KDM5A: variants seen among roughly 807,000 people sequenced by gnomAD.
The protein encoded by KDM5A is lysine-specific demethylase 5A.
In KDM5A, 42 loss-of-function variants were observed where a neutral mutation model predicts 193.5. The ratio of observed to expected loss-of-function variants is 0.22; its 90% confidence interval spans 0.17 to 0.28. The LOEUF is 0.28. Ranked by LOEUF, KDM5A falls within the 10% of genes least tolerant of loss-of-function variation. KDM5A has a pLI of 1.00. For synonymous variants in KDM5A, 796 were observed against 718.1 expected (o/e 1.11, Z -1.73); for missense variants, 1,692 against 2,055.1 (o/e 0.82, Z 3.42).
chr12:295,957 T>C (rs1309167003), intron 25 of KDM5A, 164 bp from the exon 26 acceptor site: 7 of 680,120 alleles, frequency 1.0e-5, no homozygotes, highest in Admixed American at 1.0e-4. Flanking sequence ...TAGAAACAAA[T>C]ACAGACCAAA....
intron 1 of KDM5A, chr12:388,577 G>A (rs550092192): frequency 1.1e-4 from 41 of 383,664 alleles, no homozygotes; most frequent in South Asian, 7.8e-4. Context: ...AGAGATAGCC[G>A]ACTATCAAAC....
chr12:370,014 C>CT (rs912697969), intron 3 of KDM5A, among the ~76,000 whole-genome samples: 1 of 152,124 alleles, frequency 6.6e-6, no homozygotes, highest in African/African-American at 2.4e-5. Flanking sequence ...ATACAATACT[C>CT]TAACAATCTA....
At chr12:377,759 T>C (rs1200348662) in intron 3 of KDM5A, among the ~76,000 whole-genome samples, 1 of 151,964 alleles carries the variant, frequency 6.6e-6, no homozygotes. Flanking sequence ...AAAGGAAGAC[T>C]TACAACAAGG....
chr12:363,157 T>C, intron 4 of KDM5A, 60 bp from the exon 5 acceptor site: 1 of 1,604,348 alleles, frequency 6.2e-7, no homozygotes, highest in Non-Finnish European at 8.5e-7. Flanking sequence ...TGCTGGAGAA[T>C]CAGTGTAAAA....
At chr12:347,121 A>C (rs1229210666) in intron 10 of KDM5A, among the ~76,000 whole-genome samples, 1 of 152,178 alleles carries the variant, frequency 6.6e-6, no homozygotes, top group Admixed American at 6.5e-5. Flanking sequence ...ATATATCATT[A>C]ACAGACAAAC....
intron 14 of KDM5A, among the ~76,000 whole-genome samples, chr12:327,820 C>T (rs1943811413): frequency 1.3e-5 from 2 of 152,184 alleles, no homozygotes; most frequent in South Asian, 4.1e-4. Flanking sequence ...TGAGACCAGC[C>T]TAGGTAACAA....
intron 9 of KDM5A, among the ~76,000 whole-genome samples, chr12:351,546 A>G (rs758707267): frequency 6.6e-6 from 1 of 152,206 alleles, no homozygotes; most frequent in Non-Finnish European, 1.5e-5. Flanking sequence ...GGACTAAAAA[A>G]GCCTAAGATA....
rs772734344 is a variant in KDM5A at position 318,303 on chromosome 12, C to T, written c.2700G>A (p.Gln900=). ...ELPRLKQELQ[Q]ARWLDEVRLT... The stretch of plus-strand genomic sequence containing the variant: ...GTCTTACTTCGTCCAACCACCGAGC[C>T]TGTTGTAGCTCTTGCTTCAGTCGTG... Residue 900 remains glutamine, a synonymous_variant, in exon 19 of 28, where the codon CAG becomes CAA. Transcript: ENST00000399788. 1 of 1,614,186 alleles carries T rather than the reference C, an allele frequency of 6.2e-7. No homozygotes were observed. Among genetic ancestry groups the T allele is most frequent in the Non-Finnish European group, 8.5e-7 (1 of 1,180,044 alleles).
In KDM5A at chr12:368,698, T is replaced by C. The variant is rs141230749; in HGVS notation, c.367-2594A>G. Among the ~76,000 whole-genome samples, 60 of 152,114 alleles carry C rather than the reference T, an allele frequency of 3.9e-4. No individual in the cohort carries two copies. The East Asian group carries it at 0.012, about 29-fold the overall frequency. ...AGTGAGCCAGATTGCACCACTGAAC[T>C]CCAGCCTGGGCAAGAGCGAGACCCT... On this transcript the variant is annotated intron_variant, in intron 3 of 27. Coordinates refer to ENST00000399788, the MANE Select transcript of KDM5A (RefSeq NM_001042603.3).
At chr12:354,307 T>G in intron 7 of KDM5A, 73 bp from the exon 8 acceptor site, 1 of 1,025,688 alleles carries the variant, frequency 9.7e-7, no homozygotes, top group Non-Finnish European at 1.5e-6. Context: ...ACTCCTTAGC[T>G]GAAATAAACA....
intron 17 of KDM5A, chr12:322,160 G>C: frequency 2.0e-6 from 1 of 490,450 alleles, no homozygotes; most frequent in East Asian, 3.4e-5. Context: ...ACTCCAAGCA[G>C]AGTAAAGAGA....
At chr12:351,791 A>T (rs1396598774) in intron 9 of KDM5A, among the ~76,000 whole-genome samples, 1 of 152,082 alleles carries the variant, frequency 6.6e-6, no homozygotes, top group Non-Finnish European at 1.5e-5. Flanking sequence ...CGACAGAGTG[A>T]AATCCCGTCT....
intron 10 of KDM5A, among the ~76,000 whole-genome samples, chr12:341,719 G>A (rs1485191007): frequency 1.3e-5 from 2 of 152,044 alleles, no homozygotes; most frequent in African/African-American, 4.8e-5. Context: ...GGCCAACATG[G>A]TGAAACCTCA....
intron 8 of KDM5A, among the ~76,000 whole-genome samples, chr12:352,967 A>G (rs1944182074): frequency 6.6e-6 from 1 of 152,220 alleles, no homozygotes; most frequent in Non-Finnish European, 1.5e-5. Context: ...GTAAACAGAC[A>G]AGGCATTTCA....
intron 27 of KDM5A, among the ~76,000 whole-genome samples, chr12:290,190 A>G (rs542042355): frequency 7.9e-5 from 12 of 152,302 alleles, no homozygotes; most frequent in African/African-American, 2.9e-4. Flanking sequence ...GAGAAACACT[A>G]AACACTGAGA....
At chr12:325,953 G>A (rs1943777902) in intron 14 of KDM5A, among the ~76,000 whole-genome samples, 2 of 152,170 alleles carry the variant, frequency 1.3e-5, no homozygotes, top group South Asian at 4.1e-4. Flanking sequence ...GGCAGAGGTT[G>A]CAGTAAGCTG....
intron 18 of KDM5A, among the ~76,000 whole-genome samples, chr12:320,226 G>A (rs1943699561): frequency 6.6e-6 from 1 of 152,196 alleles, no homozygotes; most frequent in Admixed American, 6.5e-5. Flanking sequence ...GCCGGGTGCG[G>A]TGGCTCATGC....
chr12:363,333 A>G (rs1002944655), intron 4 of KDM5A, among the ~76,000 whole-genome samples: 1 of 152,232 alleles, frequency 6.6e-6, no homozygotes, highest in African/African-American at 2.4e-5. Flanking sequence ...TTTGAAAAAA[A>G]GAACAAAAAA....
chr12:364,476 CAA>C (rs1223229454), intron 4 of KDM5A, among the ~76,000 whole-genome samples: 4 of 107,310 alleles, frequency 3.7e-5, no homozygotes, highest in Non-Finnish European at 3.8e-5. Context: ...GATTCCACCT[CAA>C]AAAAAAAAAA....
Sources: allele counts gnomAD v4.1 joint callset (sites outside exome capture counted in the v4.1 genomes callset), GRCh38; gene constraint gnomAD v4.1.1; transcripts MANE v1.5; gene names NCBI Gene and HGNC (gene_info 2026-07-23, HGNC 2026-07-21).